The following CFAP97 variants were observed in gnomAD, a reference collection of about 807,000 sequenced individuals.
CFAP97 encodes the protein cilia and flagella associated protein 97.
A neutral mutation model predicts 43.1 loss-of-function variants in CFAP97; 36 were observed. The ratio of observed to expected loss-of-function variants is 0.84; its 90% CI spans 0.64 to 1.10. The LOEUF (loss-of-function observed/expected upper bound fraction) is 1.10, where lower values mean the gene tolerates loss of function less well. CFAP97 is among the 50% of genes least tolerant of loss of function. The pLI, the probability that CFAP97 is intolerant of heterozygous loss-of-function variation, is 0.00. For synonymous variants in CFAP97, 228 were observed against 225.7 expected (o/e 1.01, Z -0.09); for missense variants, 657 against 620.3 (o/e 1.06, Z -0.63).
chr4:185,205,795 C>T (rs1299535198), upstream of CFAP97, among the ~76,000 whole-genome samples: 1 of 152,190 alleles, frequency 6.6e-6, no homozygotes, highest in Non-Finnish European at 1.5e-5. Flanking sequence ...CGCCATTGTA[C>T]TCCAGCCTGG....
At chr4:185,181,216 C>T (rs1228914940) in intron 2 of CFAP97, among the ~76,000 whole-genome samples, 2 of 149,780 alleles carry the variant, frequency 1.3e-5, no homozygotes, top group Admixed American at 6.7e-5. Context: ...GCGGAGGTTG[C>T]ACTACTGCAC....
rs192544780 is a variant in CFAP97, at chr4:185,198,326, C to T, written c.-17+5572G>A. Among the ~76,000 whole-genome samples, 34 of 151,876 alleles carry T rather than the reference C, an allele frequency of 2.2e-4. No individual in the cohort carries two copies. The East Asian group carries it at 5.6e-3, about 25-fold the overall frequency. Reference sequence around the variant, plus strand: ...GGTGTGGTGGCAGGAGCCTGAAGTCCCAGCTACTTGGGAGGCTGAGGCACA... The same window carrying T: ...GGTGTGGTGGCAGGAGCCTGAAGTCTCAGCTACTTGGGAGGCTGAGGCACA... On this transcript the variant is annotated intron_variant, in intron 1 of 4. Transcript: ENST00000458385.
chr4:185,168,854 A>G (rs1735172325), intron 3 of CFAP97, among the ~76,000 whole-genome samples: 1 of 151,984 alleles, frequency 6.6e-6, no homozygotes, highest in Non-Finnish European at 1.5e-5. Flanking sequence ...AGGTTGTTGG[A>G]GCAAGCCGAG....
chr4:185,192,299 A>G (rs533409570), intron 1 of CFAP97, among the ~76,000 whole-genome samples: 1 of 152,336 alleles, frequency 6.6e-6, no homozygotes, highest in South Asian at 2.1e-4. Flanking sequence ...ACTGTGTTAA[A>G]GGGGGTCTGA....
intron 4 of CFAP97, 56 bp downstream of exon 4, chr4:185,163,973 T>C: frequency 6.6e-7 from 1 of 1,513,994 alleles, no homozygotes; most frequent in Non-Finnish European, 9.1e-7. Context: ...GTTACGTTTT[T>C]TTAAAAAAAG....
At chr4:185,168,704 C>G (rs111844254) in intron 3 of CFAP97, among the ~76,000 whole-genome samples, 1 of 152,084 alleles carries the variant, frequency 6.6e-6, no homozygotes, top group African/African-American at 2.4e-5. Flanking sequence ...ACCAGCCTGG[C>G]CAACATGGCG....
intron 2 of CFAP97, among the ~76,000 whole-genome samples, chr4:185,187,983 A>T (rs1330447639): frequency 1.3e-5 from 2 of 151,296 alleles, no homozygotes; most frequent in African/African-American, 4.9e-5. Context: ...TGCAACCTCC[A>T]CCTCCTGGGT....
intron 1 of CFAP97, among the ~76,000 whole-genome samples, chr4:185,202,025 G>A (rs1440895510): frequency 4.0e-5 from 5 of 125,190 alleles, no homozygotes; most frequent in Admixed American, 8.4e-5. Context: ...AAAGGAAAAA[G>A]GATTTTTGTT....
intron 2 of CFAP97, chr4:185,182,522 C>A (rs1453755082): frequency 6.6e-6 from 1 of 152,202 alleles, no homozygotes; most frequent in Non-Finnish European, 1.5e-5. Flanking sequence ...CTATTTCTCA[C>A]AGAACCCGAA....
At chr4:185,181,867 A>C (rs770682942) in intron 2 of CFAP97, among the ~76,000 whole-genome samples, 4 of 152,188 alleles carry the variant, frequency 2.6e-5, no homozygotes, top group Admixed American at 2.0e-4. Context: ...AGCTAATCTC[A>C]GTATGGGCAT....
At chr4:185,185,366 CATG>C (rs754172445) in intron 2 of CFAP97, among the ~76,000 whole-genome samples, 17 of 152,268 alleles carry the variant, frequency 1.1e-4, no homozygotes, top group Admixed American at 3.9e-4. Flanking sequence ...TGCATTATCT[CATG>C]ATATTTTATG....
At chr4:185,205,987 G>T (rs2111446756), upstream of CFAP97, among the ~76,000 whole-genome samples, 1 of 152,264 alleles carries the variant, frequency 6.6e-6, no homozygotes, top group South Asian at 2.1e-4. Context: ...AGATACCGAT[G>T]GCTTTAGTCA....
At chr4:185,199,680 A>G (rs1214511348) in intron 1 of CFAP97, among the ~76,000 whole-genome samples, 1 of 152,202 alleles carries the variant, frequency 6.6e-6, no homozygotes, top group Non-Finnish European at 1.5e-5. Context: ...AAAAAAACAA[A>G]AAAGAAAAAA....
intron 3 of CFAP97, among the ~76,000 whole-genome samples, chr4:185,167,973 TG>T (rs1308354126): frequency 7.5e-6 from 1 of 132,488 alleles, no homozygotes; most frequent in Non-Finnish European, 1.5e-5. Context: ...CACTCTAGCC[TG>T]GGTGACAGTG....
At chr4:185,201,262 G>A (rs890412557) in intron 1 of CFAP97, among the ~76,000 whole-genome samples, 6 of 146,550 alleles carry the variant, frequency 4.1e-5, no homozygotes, top group Non-Finnish European at 5.9e-5. Flanking sequence ...GGAAGCGGAG[G>A]TTGCAGTGAG....
In CFAP97 at chr4:185,160,184, T is replaced by A. The variant is rs367964181; in HGVS notation, c.*2614A>T. ...ACTGAAAAAGAGAGCAGAGGAAGTATAAGAGCTACCCCTTAAGAAATAACT... is the reference window on the plus strand; with the variant it reads ...ACTGAAAAAGAGAGCAGAGGAAGTAAAAGAGCTACCCCTTAAGAAATAACT... On this transcript the variant is annotated 3_prime_UTR_variant, in exon 5 of 5. Coordinates refer to ENST00000458385, the MANE Select transcript of CFAP97 (RefSeq NM_020827.3). The A allele has an allele frequency of 5.3e-5, 8 of 152,192 alleles. No homozygotes were observed. The highest frequency in any genetic ancestry group is 1.9e-4 in the African/African-American group (8 of 41,442). 9.4% of individuals were successfully genotyped at this position (152,192 alleles called of 1,614,324 possible).
At chr4:185,203,689 G>C (rs925557181) in intron 1 of CFAP97, 2 of 152,354 alleles carry the variant, frequency 1.3e-5, no homozygotes, top group East Asian at 3.9e-4. Context: ...TTCTCACAGG[G>C]GACCGGGGTG....
chr4:185,200,781 T>C (rs965165199), intron 1 of CFAP97, among the ~76,000 whole-genome samples: 1 of 151,912 alleles, frequency 6.6e-6, no homozygotes, highest in African/African-American at 2.4e-5. Context: ...AACAAGACCC[T>C]GTCAAAAAAA....
intron 1 of CFAP97, among the ~76,000 whole-genome samples, chr4:185,192,930 C>T (rs148517224): frequency 0.035 from 5,253 of 151,844 alleles, 303 homozygotes; most frequent in African/African-American, 0.12. Context: ...TTAGTAGAGA[C>T]GGGGTTTCAC....
Sources: allele counts gnomAD v4.1 joint callset (sites outside exome capture counted in the v4.1 genomes callset), GRCh38; gene constraint gnomAD v4.1.1; transcripts MANE v1.5; gene names NCBI Gene and HGNC (gene_info 2026-07-23, HGNC 2026-07-21).